The following DCP1A variants were observed in gnomAD, a reference collection of about 807,000 sequenced individuals.
DCP1A encodes decapping mRNA 1A, also known as mRNA-decapping enzyme 1A.
DCP1A carries 20 observed loss-of-function variants against 58.0 expected under a neutral mutation model. The observed-to-expected ratio is 0.34, with a 90% CI of 0.24 to 0.50. The LOEUF (loss-of-function observed/expected upper bound fraction) is 0.50. DCP1A is among the 20% of genes least tolerant of loss of function. DCP1A has a pLI of 0.98. For missense variants in DCP1A, 613 were observed against 712.2 expected (o/e 0.86, Z 1.59); for synonymous variants, 285 against 275.1 (o/e 1.04, Z -0.36).
chr3:53,307,028 T>C (rs1424149022), intron 5 of DCP1A, among the ~76,000 whole-genome samples: 1 of 150,068 alleles, frequency 6.7e-6, no homozygotes, highest in Non-Finnish European at 1.5e-5. Flanking sequence ...CCTTCGCCTC[T>C]TGGGTTCAAG....
Position 53,344,929 on chromosome 3 carries a change from A to G in DCP1A, c.149T>C (p.Ile50Thr), listed in dbSNP as rs1370813031. 2.5e-6 allele frequency: 4 copies of G among 1,605,478 alleles called. No homozygotes were observed. Among genetic ancestry groups the G allele is most frequent in the Non-Finnish European group, 8.5e-7 (1 of 1,175,768 alleles). ...PKANQWEKTD[I>T]EGTLFVYRRS... ...TCGATATACGAATAAGGTCCCTTCT[A>G]TATCAGTCTTCTCCTATGAAAGACA... Residue 50 changes from isoleucine to threonine, a missense_variant, in exon 2 of 10, where the codon ATA (isoleucine) becomes ACA (threonine). Ile to Thr is a moderately conservative substitution (Grantham distance 89, BLOSUM62 -1). Transcript: ENST00000610213.
chr3:53,312,739 C>T (rs1707688168), intron 4 of DCP1A, among the ~76,000 whole-genome samples: 2 of 152,020 alleles, frequency 1.3e-5, no homozygotes, highest in Non-Finnish European at 2.9e-5. Flanking sequence ...CGTGATCTGC[C>T]CTAGGCCTCC....
At chr3:53,344,691 G>A (rs1365522629) in intron 2 of DCP1A, among the ~76,000 whole-genome samples, 5 of 152,102 alleles carry the variant, frequency 3.3e-5, no homozygotes, top group Non-Finnish European at 1.5e-5. Context: ...TGCTAGGCTG[G>A]TAATATAAAT....
intron 4 of DCP1A, among the ~76,000 whole-genome samples, chr3:53,316,289 A>G (rs1553689236): frequency 6.6e-6 from 1 of 152,238 alleles, no homozygotes; most frequent in East Asian, 1.9e-4. Context: ...GATTTAGAAC[A>G]AAGACAGATA....
At chr3:53,331,011 G>A (rs1193829594) in intron 3 of DCP1A, among the ~76,000 whole-genome samples, 3 of 151,766 alleles carry the variant, frequency 2.0e-5, no homozygotes, top group African/African-American at 4.8e-5. Flanking sequence ...GGTGCGTGCC[G>A]CCATGCCCGG....
Position 53,287,607 on chromosome 3 carries a change from G to T in DCP1A, c.1722C>A (p.Thr574=), listed in dbSNP as rs1348904645. ...ATAGGTTGTGGTTGTCTTTGTTCTT[G>T]GTCAGAACCTGCAAGTAGACTTCAT... ...TLHEVYLQVL[T]KNKDNHNL The change falls in exon 10 of 10, where the codon ACC becomes ACA. Residue 574 remains threonine (T), a synonymous_variant. Coordinates refer to ENST00000610213, the MANE Select transcript of DCP1A (RefSeq NM_018403.7). 6.2e-7 allele frequency: 1 copy of T among 1,611,418 alleles called. No homozygotes were observed. The highest frequency in any genetic ancestry group is 8.5e-7 in the Non-Finnish European group (1 of 1,177,840).
chr3:53,290,501 G>A (rs1206970669), intron 8 of DCP1A: 7 of 566,454 alleles, frequency 1.2e-5, no homozygotes, highest in Non-Finnish European at 2.2e-5. Flanking sequence ...CCAGGACGGG[G>A]TGGGAGAGGA....
At chr3:53,315,202 A>G (rs1287116610) in intron 4 of DCP1A, among the ~76,000 whole-genome samples, 1 of 152,186 alleles carries the variant, frequency 6.6e-6, no homozygotes, top group Non-Finnish European at 1.5e-5. Context: ...CAAAGTTTAC[A>G]TAGTCTATGT....
chr3:53,306,743 C>A (rs188532706), intron 5 of DCP1A, among the ~76,000 whole-genome samples: 1 of 144,118 alleles, frequency 6.9e-6, no homozygotes, highest in Admixed American at 7.0e-5. Context: ...TGCACTCCAG[C>A]CTGGGCAACA....
At chr3:53,333,301 T>C (rs1176651875) in intron 3 of DCP1A, among the ~76,000 whole-genome samples, 3 of 151,706 alleles carry the variant, frequency 2.0e-5, no homozygotes, top group Admixed American at 6.6e-5. Context: ...CCACCATGCC[T>C]GGCTAATTTT....
intron 3 of DCP1A, among the ~76,000 whole-genome samples, chr3:53,330,954 G>T (rs1395952009): frequency 6.7e-6 from 1 of 150,222 alleles, no homozygotes; most frequent in Non-Finnish European, 1.5e-5. Context: ...TGCCTCCCAG[G>T]TTCAAGTGAT....
chr3:53,334,166 A>C (rs1327449135), intron 3 of DCP1A, among the ~76,000 whole-genome samples: 1 of 152,142 alleles, frequency 6.6e-6, no homozygotes, highest in East Asian at 1.9e-4. Context: ...TGGGAGGCTG[A>C]AATGGAAGGA....
At chr3:53,314,846 A>C (rs1553689053) in intron 4 of DCP1A, among the ~76,000 whole-genome samples, 1 of 151,078 alleles carries the variant, frequency 6.6e-6, no homozygotes, top group Admixed American at 6.6e-5. Context: ...TAATTTTTGT[A>C]TTTTTAATAA....
At chr3:53,300,704 G>A (rs868959306) in intron 6 of DCP1A, among the ~76,000 whole-genome samples, 83 of 152,118 alleles carry the variant, frequency 5.5e-4, no homozygotes, top group African/African-American at 1.9e-3. Context: ...CTGGAGTGCA[G>A]TGGTGCGATC....
At chr3:53,333,970 A>G (rs2089064872) in intron 3 of DCP1A, among the ~76,000 whole-genome samples, 1 of 151,562 alleles carries the variant, frequency 6.6e-6, no homozygotes, top group South Asian at 2.1e-4. Context: ...GTTTCTTGAA[A>G]CCAGCATACA....
At chr3:53,341,175 C>A (rs2089196530) in intron 3 of DCP1A, among the ~76,000 whole-genome samples, 1 of 151,914 alleles carries the variant, frequency 6.6e-6, no homozygotes, top group African/African-American at 2.4e-5. Flanking sequence ...TATTTTCTGG[C>A]CGGGCGTGGT....
At chr3:53,343,262 C>A (rs1459480897) in intron 2 of DCP1A, among the ~76,000 whole-genome samples, 1 of 152,202 alleles carries the variant, frequency 6.6e-6, no homozygotes, top group Non-Finnish European at 1.5e-5. Flanking sequence ...GACTCCAAAT[C>A]CAAGCTTCTA....
At chr3:53,332,561 C>T (rs1553691445) in intron 3 of DCP1A, among the ~76,000 whole-genome samples, 1 of 151,900 alleles carries the variant, frequency 6.6e-6, no homozygotes, top group Non-Finnish European at 1.5e-5. Flanking sequence ...TGTTGATCTG[C>T]TCTATTCTAT....
chr3:53,333,965 T>C (rs2089064732), intron 3 of DCP1A, among the ~76,000 whole-genome samples: 1 of 151,910 alleles, frequency 6.6e-6, no homozygotes, highest in Admixed American at 6.6e-5. Flanking sequence ...TTAAAGTTTC[T>C]TGAAACCAGC....
Sources: gnomAD v4.1 joint callset for allele counts (sites outside exome capture counted in the v4.1 genomes callset) on GRCh38, gnomAD v4.1.1 for gene constraint, MANE v1.5 for transcripts, NCBI Gene and HGNC (gene_info 2026-07-23, HGNC 2026-07-21) for gene names.